The following TMEM132D variants were observed in gnomAD, a reference collection of about 807,000 sequenced individuals.
TMEM132D encodes the protein mature OL transmembrane protein.
TMEM132D carries 21 observed loss-of-function variants against 62.3 expected under a neutral mutation model. The ratio of observed to expected loss-of-function variants is 0.34; its 90% CI spans 0.24 to 0.49. TMEM132D has a LOEUF of 0.49. Ranked by LOEUF, TMEM132D falls within the 20% of genes least tolerant of loss-of-function variation. The pLI is 0.99. For synonymous variants in TMEM132D, 621 were observed against 575.6 expected (o/e 1.08, Z -1.13); for missense variants, 1,346 against 1,402.8 (o/e 0.96, Z 0.65).
chr12:129,162,595 T>A (rs1034738846), intron 5 of TMEM132D, among the ~76,000 whole-genome samples: 2 of 152,090 alleles, frequency 1.3e-5, no homozygotes, highest in Non-Finnish European at 2.9e-5. Context: ...TGGGGTTGGA[T>A]CCCTTATGAG....
At chr12:129,481,288 T>C (rs187756198) in intron 3 of TMEM132D, among the ~76,000 whole-genome samples, 27 of 151,924 alleles carry the variant, frequency 1.8e-4, no homozygotes, top group Admixed American at 1.5e-3. Context: ...GTGGGTAGCA[T>C]TGTCTCTACA....
rs766299752 is a variant in TMEM132D at position 129,073,882 on chromosome 12, T to C, written c.3293A>G (p.Asn1098Ser). 18 of 1,533,032 alleles carry C rather than the reference T, an allele frequency of 1.2e-5. No individual in the cohort carries two copies. The highest frequency in any genetic ancestry group is 1.5e-5 in the Non-Finnish European group (17 of 1,142,054). 95.0% of individuals were successfully genotyped at this position (1,533,032 alleles called of 1,614,324 possible). A position where few individuals can be genotyped will look rare whatever the true frequency, so the allele number is the denominator to read the frequency against. ...LHNYMERLHENV is the reference protein window; with the variant it reads ...LHNYMERLHESV ...TGTCTGTGTGTGTCTGGCTTACACA[T>C]TTTCATGTAACCTCTCCATGTAGTT... The change falls in exon 9 of 9, where the codon AAT becomes AGT. Residue 1098 changes from asparagine to serine, a missense_variant. Transcript: ENST00000422113.
rs77378604 is a variant in TMEM132D at position 129,297,125 on chromosome 12, C to T, written c.1299+40509G>A. On this transcript the variant is annotated intron_variant, in intron 4 of 8. Transcript: ENST00000422113. ...CAGCCTGGACACGCAGGGAGACCCC[C>T]GTCTTTAGTGTCAGAGGAAAGTCCT... 2.2e-3 allele frequency among the ~76,000 whole-genome samples: 333 copies of T among 152,296 alleles called. 1 individual carries two copies. The highest frequency in any genetic ancestry group is 7.6e-3 in the African/African-American group (316 of 41,558).
chr12:129,163,130 C>A (rs886579027), intron 5 of TMEM132D, among the ~76,000 whole-genome samples: 1 of 152,310 alleles, frequency 6.6e-6, no homozygotes, highest in East Asian at 1.9e-4. Flanking sequence ...GGGCTTTGTA[C>A]AGAAGATTCT....
intron 3 of TMEM132D, among the ~76,000 whole-genome samples, chr12:129,477,879 GAGAC>G (rs1874317520): frequency 6.6e-6 from 1 of 151,874 alleles, no homozygotes; most frequent in Non-Finnish European, 1.5e-5. Flanking sequence ...GAGAGAGAGA[GAGAC>G]AGAGAGAGAG....
intron 5 of TMEM132D, among the ~76,000 whole-genome samples, chr12:129,108,226 C>A (rs1875566370): frequency 6.6e-6 from 1 of 152,194 alleles, no homozygotes; most frequent in African/African-American, 2.4e-5. Flanking sequence ...ACACACAGAC[C>A]TTCCACCCAT....
rs1005900103 is a variant in TMEM132D at position 129,691,384 on chromosome 12, A to C, written c.968+8426T>G. ...TAGAAAAGCAATAGAGAAAATCTAC[A>C]AAACCAAATGTTAATTCTTTGAAAA... On this transcript the variant is annotated intron_variant, in intron 2 of 8. Coordinates refer to ENST00000422113, the MANE Select transcript of TMEM132D (RefSeq NM_133448.3). Among the ~76,000 whole-genome samples the C allele has an allele frequency of 2.6e-5, 4 of 152,020 alleles. 1 individual carries two copies. The South Asian group carries it at 8.3e-4, about 31-fold the overall frequency.
intron 4 of TMEM132D, among the ~76,000 whole-genome samples, chr12:129,302,276 G>A (rs1475913588): frequency 2.6e-5 from 4 of 152,136 alleles, no homozygotes; most frequent in Admixed American, 1.3e-4. Flanking sequence ...CACCATACCC[G>A]GCTAATTTTT....
At chr12:129,281,294 G>A (rs1881139173) in intron 4 of TMEM132D, among the ~76,000 whole-genome samples, 1 of 151,982 alleles carries the variant, frequency 6.6e-6, no homozygotes, top group South Asian at 2.1e-4. Context: ...GTCTTAACCA[G>A]GAAGGTGTCA....
At chr12:129,780,348 GCC>G (rs879389336) in intron 1 of TMEM132D, among the ~76,000 whole-genome samples, 3,612 of 136,124 alleles carry the variant, frequency 0.027, 116 homozygotes, top group East Asian at 0.17. Context: ...GAGGGGGGGG[GCC>G]GGGGGGGCAC....
intron 5 of TMEM132D, 165 bp from the exon 6 acceptor site, chr12:129,084,867 C>T (rs1049385464): frequency 6.2e-5 from 38 of 615,592 alleles, no homozygotes; most frequent in Non-Finnish European, 1.0e-4. Context: ...TTGGGTGTTG[C>T]TTTTGAGTAA....
intron 2 of TMEM132D, among the ~76,000 whole-genome samples, chr12:129,644,066 G>C (rs1331868716): frequency 6.6e-6 from 1 of 152,006 alleles, no homozygotes; most frequent in African/African-American, 2.4e-5. Context: ...TGTTGGCCAG[G>C]ATGGTCTCCA....
rs563191006 is a variant in TMEM132D at position 129,800,874 on chromosome 12, G to A, written c.80-100176C>T. Among the ~76,000 whole-genome samples, 9 of 152,324 alleles carry A rather than the reference G, an allele frequency of 5.9e-5. No homozygotes were observed. The East Asian group carries it at 1.4e-3, about 23-fold the overall frequency. ...TGGGTGCGCGCACCGTGCACCAGCC[G>A]AAGCAGGGCGAGGCATTGCCTCACT... On this transcript the variant is annotated intron_variant, in intron 1 of 8. Transcript: ENST00000422113.
chr12:129,314,117 T>C (rs983203796), intron 4 of TMEM132D, among the ~76,000 whole-genome samples: 1 of 152,208 alleles, frequency 6.6e-6, no homozygotes, highest in Non-Finnish European at 1.5e-5. Context: ...CTTTGTCAGA[T>C]GTATAGATTG....
rs140097749 is a variant in TMEM132D at position 129,246,708 on chromosome 12, G to A, written c.1300-37045C>T. Among the ~76,000 whole-genome samples the A allele has an allele frequency of 5.8e-3, 875 of 152,094 alleles. 11 individuals are homozygous for A. Among genetic ancestry groups the A allele is most frequent in the African/African-American group, 0.02 (820 of 41,446 alleles). On this transcript the variant is annotated intron_variant, in intron 4 of 8. Transcript: ENST00000422113. ...TTGAACTTGGGAGGCAGAGATTGCA[G>A]TGAGCTGAGATCACACCACTGTCCT... is the stretch of plus-strand genomic sequence containing the variant.
intron 2 of TMEM132D, among the ~76,000 whole-genome samples, chr12:129,660,039 C>T (rs577479210): frequency 1.3e-5 from 2 of 152,264 alleles, no homozygotes; most frequent in Admixed American, 1.3e-4. Flanking sequence ...TTTGAGTCAC[C>T]ATCTCTATTC....
At chr12:129,853,616 CA>C (rs1478430665) in intron 1 of TMEM132D, 2 of 152,170 alleles carry the variant, frequency 1.3e-5, no homozygotes, top group African/African-American at 4.8e-5. Context: ...AATCCCATGA[CA>C]CTTGGCACAT....
At chr12:129,668,664 C>T (rs1021260185) in intron 2 of TMEM132D, among the ~76,000 whole-genome samples, 10 of 152,146 alleles carry the variant, frequency 6.6e-5, no homozygotes, top group Non-Finnish European at 1.2e-4. Context: ...AAATTTGAAG[C>T]ATATTTGTTC....
intron 5 of TMEM132D, chr12:129,111,372 A>C (rs1248618631): frequency 6.6e-6 from 1 of 152,194 alleles, no homozygotes; most frequent in Non-Finnish European, 1.5e-5. Context: ...GTGAGAGAAC[A>C]ACTGTCTGCT....
Sources: gnomAD v4.1 joint callset for allele counts (sites outside exome capture counted in the v4.1 genomes callset) on GRCh38, gnomAD v4.1.1 for gene constraint, MANE v1.5 for transcripts, NCBI Gene and HGNC (gene_info 2026-07-23, HGNC 2026-07-21) for gene names.